Variants in FBXW4 observed in about 807,000 individuals in gnomAD.
The protein encoded by FBXW4 is F-box/WD repeat-containing protein 4.
Under a neutral mutation model 61.8 loss-of-function variants are expected in FBXW4, and 40 were observed. The observed-to-expected ratio is 0.65, with a 90% CI of 0.50 to 0.84. The LOEUF (loss-of-function observed/expected upper bound fraction) is 0.84, where lower values mean the gene tolerates loss of function less well. FBXW4 is among the 40% of genes least tolerant of loss of function. The pLI, the probability that FBXW4 is intolerant of heterozygous loss-of-function variation, is 0.00. For missense variants in FBXW4, 672 were observed against 753.8 expected, an observed-to-expected ratio of 0.89 and a Z score of 1.27; for synonymous variants, 311 against 313.8, an observed-to-expected ratio of 0.99 and a Z score of 0.10.
Position 101,694,783 on chromosome 10 carries a change from G to A in FBXW4, c.323C>T (p.Ala108Val). ...CTCTCTTCCTTGTGCCTCCTTCCCGGCCCCTGCGCTCCCCTCGACTCCCTT... is the reference window on the plus strand; with the variant it reads ...CTCTCTTCCTTGTGCCTCCTTCCCGACCCCTGCGCTCCCCTCGACTCCCTT... Reference protein sequence around the residue: ...IVKGVEGSAGAGKEAQGREYG... With the variant: ...IVKGVEGSAGVGKEAQGREYG... Residue 108 changes from alanine to valine, a missense_variant, in exon 1 of 9, where the codon GCC (alanine) becomes GTC (valine). Around this residue, in one of 5 missense-constraint regions of FBXW4, gnomAD observed 311 missense variants for 301.1 expected, o/e 1.03. Coordinates refer to ENST00000331272, the MANE Select transcript of FBXW4 (RefSeq NM_022039.4). This position sits in a 1 kb window ranked among gnomAD's most constrained non-coding sequence, Gnocchi z 6.0. The A allele has an allele frequency of 2.2e-6, 3 of 1,342,330 alleles. No individual in the cohort carries two copies. Among genetic ancestry groups the A allele is most frequent in the Non-Finnish European group, 1.9e-6 (2 of 1,053,542 alleles). 83.2% of individuals were successfully genotyped at this position (1,342,330 alleles called of 1,614,324 possible).
intron 5 of FBXW4, among the ~76,000 whole-genome samples, chr10:101,629,472 G>A (rs554346257): frequency 3.3e-5 from 5 of 152,056 alleles, no homozygotes; most frequent in South Asian, 4.2e-4. Flanking sequence ...TTAGTAGAGA[G>A]AGGGTTTCCC....
intron 6 of FBXW4, among the ~76,000 whole-genome samples, chr10:101,619,698 C>T (rs1042927950): frequency 3.3e-5 from 5 of 151,930 alleles, no homozygotes; most frequent in African/African-American, 1.2e-4. Flanking sequence ...AAGGGGACAG[C>T]CAAGCTCCTT....
chr10:101,645,650 T>C (rs1191616091), intron 5 of FBXW4, among the ~76,000 whole-genome samples: 3 of 152,266 alleles, frequency 2.0e-5, no homozygotes, highest in Non-Finnish European at 4.4e-5. Flanking sequence ...AGCCTTGTGA[T>C]AGACGCTGGG....
At chr10:101,668,063 G>A in intron 4 of FBXW4, 83 bp from the exon 5 acceptor site, 1 of 1,060,540 alleles carries the variant, frequency 9.4e-7, no homozygotes, top group African/African-American at 1.5e-5. Context: ...GGTGACTGTT[G>A]GAGGTGGAGA....
chr10:101,651,044 T>A (rs1185312037), intron 5 of FBXW4, among the ~76,000 whole-genome samples: 1 of 152,042 alleles, frequency 6.6e-6, no homozygotes, highest in Non-Finnish European at 1.5e-5. Context: ...GGAAAAAAAA[T>A]GCAAGCATTG....
chr10:101,656,979 A>G (rs1281301933), intron 5 of FBXW4, among the ~76,000 whole-genome samples: 2 of 152,182 alleles, frequency 1.3e-5, no homozygotes, highest in African/African-American at 4.8e-5. Context: ...TGAAAAGGAA[A>G]GCTTCTACAG....
At chr10:101,655,810 C>T (rs1242318895) in intron 5 of FBXW4, among the ~76,000 whole-genome samples, 1 of 152,236 alleles carries the variant, frequency 6.6e-6, no homozygotes, top group Admixed American at 6.5e-5. Context: ...GGATGAGGAG[C>T]ATGTGCTAAG....
intron 6 of FBXW4, chr10:101,613,086 C>T (rs961388737): frequency 1.3e-5 from 2 of 152,228 alleles, no homozygotes; most frequent in South Asian, 2.1e-4. Flanking sequence ...GCCCCCAGCC[C>T]GGGGCTAGCA....
At chr10:101,651,343 TG>T (rs1276771725) in intron 5 of FBXW4, among the ~76,000 whole-genome samples, 1 of 148,072 alleles carries the variant, frequency 6.8e-6, no homozygotes, top group African/African-American at 2.5e-5. Flanking sequence ...GGGAAATGGG[TG>T]GGGGGTGAAA....
chr10:101,678,812 A>C (rs1452342189), intron 1 of FBXW4, among the ~76,000 whole-genome samples: 1 of 152,192 alleles, frequency 6.6e-6, no homozygotes, highest in Non-Finnish European at 1.5e-5. Context: ...TCCAGCTTTC[A>C]AGATTCTAAT....
At chr10:101,656,839 T>C (rs1162073174) in intron 5 of FBXW4, among the ~76,000 whole-genome samples, 1 of 152,186 alleles carries the variant, frequency 6.6e-6, no homozygotes, top group Non-Finnish European at 1.5e-5. Flanking sequence ...CTCTTGTTAC[T>C]TGAAATTCTC....
intron 5 of FBXW4, among the ~76,000 whole-genome samples, chr10:101,643,160 G>C (rs1174839468): frequency 6.6e-6 from 1 of 152,192 alleles, no homozygotes; most frequent in Non-Finnish European, 1.5e-5. Context: ...TTACTGCTGA[G>C]TCTCCACACC....
chr10:101,625,170 A>C, intron 5 of FBXW4: 1 of 256,022 alleles, frequency 3.9e-6, no homozygotes. Context: ...CAAGAGCACA[A>C]TGGCAGGGCA....
intron 5 of FBXW4, among the ~76,000 whole-genome samples, chr10:101,656,200 G>C (rs1441701716): frequency 1.3e-5 from 2 of 152,174 alleles, no homozygotes; most frequent in Non-Finnish European, 2.9e-5. Flanking sequence ...TAGCTCAGCA[G>C]CTAGAAAGAA....
In FBXW4 at chr10:101,611,585, A is replaced by G; in HGVS notation, c.1584+43T>C. The stretch of plus-strand genomic sequence containing the variant: ...CCTCTCCCAAATGCAGCCCATAATC[A>G]TGAGTCCTGGCATGCTGGAGAAGAG... On this transcript the variant is annotated intron_variant, in intron 8 of 8. Coordinates refer to ENST00000331272, the MANE Select transcript of FBXW4 (RefSeq NM_022039.4). This position sits in a 1 kb window ranked among gnomAD's most constrained non-coding sequence, Gnocchi z 4.9. 1.2e-6 allele frequency: 2 copies of G among 1,607,436 alleles called. No homozygotes were observed. Among genetic ancestry groups the G allele is most frequent in the South Asian group, 1.1e-5 (1 of 90,632 alleles).
At chr10:101,622,541 C>G (rs2063874897) in intron 6 of FBXW4, among the ~76,000 whole-genome samples, 1 of 151,918 alleles carries the variant, frequency 6.6e-6, no homozygotes, top group Admixed American at 6.6e-5. Flanking sequence ...TCCTGGCTAA[C>G]ACAGTGAAAT....
At chr10:101,653,848 C>T (rs547446698) in intron 5 of FBXW4, among the ~76,000 whole-genome samples, 23 of 152,192 alleles carry the variant, frequency 1.5e-4, no homozygotes, top group African/African-American at 5.3e-4. Flanking sequence ...CGGGGCCAGG[C>T]GCAGTGGCTC....
At position 101,695,098 on chromosome 10, in the gene FBXW4, C is replaced by G. The variant is rs1182769736; in HGVS notation, c.8G>C (p.Ser3Thr). The G allele has an allele frequency of 1.0e-6, 1 of 986,210 alleles. No individual in the cohort carries two copies. The allele number at this position is 986,210 out of a possible 1,614,324, so 61.1% of individuals were successfully genotyped here. The part of the protein sequence containing the change: MG[S>T]QGRSGPPGNG... Reference sequence around the variant, plus strand: ...CCCGGGGGGCCCCGAGCGGCCCTGGCTGCCCATGAGCGGCCGCGGGGCCGG... The same window carrying G: ...CCCGGGGGGCCCCGAGCGGCCCTGGGTGCCCATGAGCGGCCGCGGGGCCGG... The change falls in exon 1 of 9, where the codon AGC becomes ACC. Residue 3 changes from serine (S) to threonine (T), a missense_variant. Around this residue, in one of 5 missense-constraint regions of FBXW4, gnomAD observed 38 missense variants for 43.3 expected, o/e 0.88. Transcript: ENST00000331272. The surrounding 1 kb of genome is among the most constrained non-coding windows in gnomAD (Gnocchi z 4.2).
chr10:101,676,517 G>A, intron 1 of FBXW4, 81 bp from the exon 2 acceptor site: 1 of 1,066,622 alleles, frequency 9.4e-7, no homozygotes, highest in Non-Finnish European at 1.4e-6. Context: ...ACTGAGTCAG[G>A]ATTCAGGAGC....
Sources: gnomAD v4.1 joint callset for allele counts (sites outside exome capture counted in the v4.1 genomes callset) on GRCh38, gnomAD v4.1.1 for gene constraint, gnomAD v4.1.1 regional missense constraint, Gnocchi (gnomAD v3.1) non-coding constraint, MANE v1.5 for transcripts, NCBI Gene and HGNC (gene_info 2026-07-23, HGNC 2026-07-21) for gene names.